Variants in JAKMIP1 observed in about 807,000 individuals in gnomAD.
JAKMIP1 encodes the protein janus kinase and microtubule-interacting protein 1.
In JAKMIP1, 33 loss-of-function variants were observed where a neutral mutation model predicts 113.0. That is an observed-to-expected ratio of 0.29 (90% CI 0.22 to 0.39). The LOEUF is 0.39. JAKMIP1 is among the 10% of genes least tolerant of loss of function. The pLI is 1.00. For missense variants in JAKMIP1, 813 were observed against 1,080.5 expected, an observed-to-expected ratio of 0.75 and a Z score of 3.47; for synonymous variants, 480 against 459.9, an observed-to-expected ratio of 1.04 and a Z score of -0.56.
intron 8 of JAKMIP1, chr4:6,070,260 A>C: frequency 2.5e-6 from 1 of 395,220 alleles, no homozygotes; most frequent in East Asian, 3.6e-5. Flanking sequence ...CAGTCCAAGG[A>C]AAAAGCACCA....
At chr4:6,113,488 C>A (rs1449520026) in intron 1 of JAKMIP1, among the ~76,000 whole-genome samples, 1 of 152,220 alleles carries the variant, frequency 6.6e-6, no homozygotes, top group African/African-American at 2.4e-5. Flanking sequence ...GAGGACCACA[C>A]TTAGAGAAAT....
rs1726043791 is a variant in JAKMIP1 at position 6,181,716 on chromosome 4, C to T, written c.-148+18537G>A. Among the ~76,000 whole-genome samples the T allele has an allele frequency of 6.6e-6, 1 of 152,198 alleles. No individual in the cohort carries two copies. Among genetic ancestry groups the T allele is most frequent in the South Asian group, 2.1e-4 (1 of 4,828 alleles). On this transcript the variant is annotated intron_variant, in intron 1 of 20. Coordinates refer to ENST00000409021, the MANE Select transcript of JAKMIP1 (RefSeq NM_001099433.2). This position sits in a 1 kb window ranked among gnomAD's most constrained non-coding sequence, Gnocchi z 5.4. ...GCAACGCAAGCTCCATTCATTCATT[C>T]ATTCATTCAACAGCATCCTAGTGCC...
At chr4:6,113,677 A>G (rs1486531789) in intron 1 of JAKMIP1, among the ~76,000 whole-genome samples, 1 of 152,242 alleles carries the variant, frequency 6.6e-6, no homozygotes, top group Non-Finnish European at 1.5e-5. Context: ...CGGGTGAGCC[A>G]GGACTGAGCC....
Position 6,059,778 on chromosome 4 carries a change from A to G in JAKMIP1, c.1644+646T>C, listed in dbSNP as rs1179349231. On this transcript the variant is annotated intron_variant, in intron 11 of 20. Coordinates refer to ENST00000409021, the MANE Select transcript of JAKMIP1 (RefSeq NM_001099433.2). The surrounding 1 kb of genome is among the most constrained non-coding windows in gnomAD (Gnocchi z 4.8). ...GTTCAGGTTATGTCACCACAGCAGC[A>G]CTTCTGACACAGAGGAGGCCGACCC... Among the ~76,000 whole-genome samples, 2 of 152,042 alleles carry G rather than the reference A, an allele frequency of 1.3e-5. No homozygotes were observed. Among genetic ancestry groups the G allele is most frequent in the Non-Finnish European group, 2.9e-5 (2 of 68,018 alleles).
At chr4:6,090,721 G>A (rs898254717) in intron 3 of JAKMIP1, among the ~76,000 whole-genome samples, 29 of 151,594 alleles carry the variant, frequency 1.9e-4, no homozygotes, top group Middle Eastern at 3.4e-3. Flanking sequence ...ATGTCAAAAC[G>A]CCATGTTGAC....
At chr4:6,054,752 T>C (rs1051982421) in intron 12 of JAKMIP1, 2 of 456,734 alleles carry the variant, frequency 4.4e-6, no homozygotes, top group Admixed American at 4.7e-5. Flanking sequence ...CCTCACCTTC[T>C]GTCCAAGAAG....
Position 6,093,166 on chromosome 4 carries a change from C to T in JAKMIP1, c.625-7537G>A, listed in dbSNP as rs1288163748. Among the ~76,000 whole-genome samples, 1 of 152,212 alleles carries T rather than the reference C, an allele frequency of 6.6e-6. No homozygotes were observed. Among genetic ancestry groups the T allele is most frequent in the African/African-American group, 2.4e-5 (1 of 41,458 alleles). ...AAACCCAGCTCACACCTCACTTCCT[C>T]TGTGAAATGACTCCTGCATCTACCC... On this transcript the variant is annotated intron_variant, in intron 3 of 20. Transcript: ENST00000409021. The surrounding 1 kb of genome is among the most constrained non-coding windows in gnomAD (Gnocchi z 4.6).
intron 1 of JAKMIP1, among the ~76,000 whole-genome samples, chr4:6,163,623 C>A (rs1723225026): frequency 6.6e-6 from 1 of 152,148 alleles, no homozygotes. Context: ...AAGCTAGACA[C>A]AATGAAGCTT....
intron 1 of JAKMIP1, among the ~76,000 whole-genome samples, chr4:6,126,761 A>G (rs1288273185): frequency 6.6e-6 from 1 of 150,514 alleles, no homozygotes; most frequent in Non-Finnish European, 1.5e-5. Context: ...CACACAACAC[A>G]TGCGCCCCCC....
intron 18 of JAKMIP1, among the ~76,000 whole-genome samples, chr4:6,039,982 C>T (rs975444853): frequency 2.0e-5 from 3 of 152,220 alleles, no homozygotes; most frequent in Non-Finnish European, 4.4e-5. Context: ...ACGCTAGCTT[C>T]TTCCTACAAG....
chr4:6,121,299 C>T (rs1226531786), intron 1 of JAKMIP1, among the ~76,000 whole-genome samples: 1 of 151,994 alleles, frequency 6.6e-6, no homozygotes, highest in East Asian at 1.9e-4. Flanking sequence ...CATAGCTTGA[C>T]CCAGGATTTT....
At position 6,141,652 on chromosome 4, in the gene JAKMIP1, A is replaced by G. The variant is rs528731092; in HGVS notation, c.-147-28655T>C. Among the ~76,000 whole-genome samples, 1 of 152,254 alleles carries G rather than the reference A, an allele frequency of 6.6e-6. No individual in the cohort carries two copies. Among genetic ancestry groups the G allele is most frequent in the East Asian group, 1.9e-4 (1 of 5,176 alleles). On this transcript the variant is annotated intron_variant, in intron 1 of 20. Coordinates refer to ENST00000409021, the MANE Select transcript of JAKMIP1 (RefSeq NM_001099433.2). The surrounding 1 kb of genome is among the most constrained non-coding windows in gnomAD (Gnocchi z 9.4). ...CACTCCCAAATCCACATGATTCTCC[A>G]TCTTAACTTGCCGGTAGCTGGCCCA... is the stretch of plus-strand genomic sequence containing the variant.
At position 6,167,179 on chromosome 4, in the gene JAKMIP1, G is replaced by A. The variant is rs559632847; in HGVS notation, c.-148+33074C>T. 6.6e-6 allele frequency among the ~76,000 whole-genome samples: 1 copy of A among 152,244 alleles called. No homozygotes were observed. The highest frequency in any genetic ancestry group is 6.5e-5 in the Admixed American group (1 of 15,296). On this transcript the variant is annotated intron_variant, in intron 1 of 20. Coordinates refer to ENST00000409021, the MANE Select transcript of JAKMIP1 (RefSeq NM_001099433.2). This position sits in a 1 kb window ranked among gnomAD's most constrained non-coding sequence, Gnocchi z 5.3. ...TTCCAGGGCCCTGCCTCCGCAAAGA[G>A]CACGATGTTCTGGCCACTCATCCAG...
Position 6,135,445 on chromosome 4 carries a change from C to A in JAKMIP1, c.-147-22448G>T, listed in dbSNP as rs890102353. Among the ~76,000 whole-genome samples the A allele has an allele frequency of 2.6e-5, 4 of 152,180 alleles. No individual in the cohort carries two copies. Among genetic ancestry groups the A allele is most frequent in the Admixed American group, 2.6e-4 (4 of 15,290 alleles). On this transcript the variant is annotated intron_variant, in intron 1 of 20. Transcript: ENST00000409021. The surrounding 1 kb of genome is among the most constrained non-coding windows in gnomAD (Gnocchi z 4.9). ...GACTTCCAGTCTCCAGAATTGGGAGCAAATGTCTGTGGTGTGAGCCGCCCA... is the reference window on the plus strand; with the variant it reads ...GACTTCCAGTCTCCAGAATTGGGAGAAAATGTCTGTGGTGTGAGCCGCCCA...
chr4:6,105,416 A>T, intron 3 of JAKMIP1, 57 bp downstream of exon 3: 1 of 1,477,380 alleles, frequency 6.8e-7, no homozygotes, highest in Non-Finnish European at 9.1e-7. Flanking sequence ...CATTTCCCCC[A>T]TGCGTGCAGG....
intron 1 of JAKMIP1, among the ~76,000 whole-genome samples, chr4:6,166,947 C>T (rs1300147276): frequency 6.6e-6 from 1 of 151,994 alleles, no homozygotes; most frequent in African/African-American, 2.4e-5. Flanking sequence ...GGGACAGCCA[C>T]CCTTCCACAA....
At position 6,129,242 on chromosome 4, in the gene JAKMIP1, C is replaced by G. The variant is rs1183132195; in HGVS notation, c.-147-16245G>C. ...CTGATTCCTTGATAAAAATAGTCCC[C>G]CCTTCTGCAGAATCAAGTACAACTG... On this transcript the variant is annotated intron_variant, in intron 1 of 20. Coordinates refer to ENST00000409021, the MANE Select transcript of JAKMIP1 (RefSeq NM_001099433.2). The surrounding 1 kb of genome is among the most constrained non-coding windows in gnomAD (Gnocchi z 5.4). Among the ~76,000 whole-genome samples the G allele has an allele frequency of 1.3e-5, 2 of 152,206 alleles. No individual in the cohort carries two copies. Among genetic ancestry groups the G allele is most frequent in the African/African-American group, 2.4e-5 (1 of 41,458 alleles).
rs1723916158 is a variant in JAKMIP1 at position 6,168,336 on chromosome 4, C to A, written c.-148+31917G>T. ...ACATATGTGCACACAAAAACATGTA[C>A]ACAAACATTCATGGCAGCACGATTC... On this transcript the variant is annotated intron_variant, in intron 1 of 20. Transcript: ENST00000409021. The surrounding 1 kb of genome is among the most constrained non-coding windows in gnomAD (Gnocchi z 4.6). Among the ~76,000 whole-genome samples, 1 of 152,162 alleles carries A rather than the reference C, an allele frequency of 6.6e-6. No homozygotes were observed. The highest frequency in any genetic ancestry group is 2.4e-5 in the African/African-American group (1 of 41,432).
At chr4:6,182,410 G>GAAAAAAAAAAAAA (rs56678982) in intron 1 of JAKMIP1, among the ~76,000 whole-genome samples, 1 of 120,310 alleles carries the variant, frequency 8.3e-6, no homozygotes, top group Admixed American at 9.0e-5. Flanking sequence ...CCCTGTCTCA[G>GAAAAAAAAAAAAA]AAAAAAAAAA....
Sources: allele counts gnomAD v4.1 joint callset (sites outside exome capture counted in the v4.1 genomes callset), GRCh38; gene constraint gnomAD v4.1.1; non-coding constraint Gnocchi (gnomAD v3.1); transcripts MANE v1.5; gene names NCBI Gene and HGNC (gene_info 2026-07-23, HGNC 2026-07-21).